Variants in LGALS2 observed in about 807,000 individuals in gnomAD.
LGALS2 encodes the protein galectin 2.
LGALS2 carries 7 observed loss-of-function variants against 10.1 expected under a neutral mutation model. The ratio of observed to expected loss-of-function variants is 0.70; its 90% CI spans 0.40 to 1.31. LGALS2 has a LOEUF of 1.31. Ranked by LOEUF, LGALS2 falls within the 50% of genes most tolerant of loss-of-function variation. The probability of loss-of-function intolerance (pLI) is 0.01; values close to 1 mark genes in which losing one functional copy is unlikely to be tolerated. For missense variants in LGALS2, 167 were observed against 163.6 expected (o/e 1.02, Z -0.11); for synonymous variants, 86 against 64.2 (o/e 1.34, Z -1.63).
chr22:37,572,094 G>A (rs1331038842), intron 1 of LGALS2, among the ~76,000 whole-genome samples, 163 bp from the exon 2 acceptor site: 1 of 152,204 alleles, frequency 6.6e-6, no homozygotes, highest in Non-Finnish European at 1.5e-5. Flanking sequence ...CAGAGCCAGA[G>A]CGCTCTGATC....
chr22:37,575,105 C>T (rs931202599), intron 1 of LGALS2, among the ~76,000 whole-genome samples: 2 of 151,902 alleles, frequency 1.3e-5, no homozygotes, highest in African/African-American at 4.8e-5. Flanking sequence ...AGGTTGGTCT[C>T]GAACTCCTGA....
chr22:37,577,003 A>C (rs1432615500), intron 1 of LGALS2, among the ~76,000 whole-genome samples: 1 of 139,030 alleles, frequency 7.2e-6, no homozygotes, highest in Non-Finnish European at 1.6e-5. Context: ...GGGGGTGGGG[A>C]GTTGGGGGCC....
Position 37,570,632 on chromosome 22 carries a change from A to C in LGALS2, c.193T>G (p.Trp65Gly). The C allele has an allele frequency of 6.2e-7, 1 of 1,614,180 alleles. No individual in the cohort carries two copies. Residue 65 changes from tryptophan to glycine, a missense_variant, in exon 3 of 4, where the codon TGG becomes GGG. Coordinates refer to ENST00000215886, the MANE Select transcript of LGALS2 (RefSeq NM_006498.3). Reference protein sequence around the residue: ...IVCNSLDGSNWGQEQREDHLC... With the variant: ...IVCNSLDGSNGGQEQREDHLC... ...TGATCTTCCCGTTGTTCTTGCCCCC[A>C]GTTGCTGCCGTCCAATGAGTTGCAG...
intron 1 of LGALS2, among the ~76,000 whole-genome samples, chr22:37,579,247 C>CAAAAA (rs111697536): frequency 0.022 from 753 of 33,562 alleles, 80 homozygotes; most frequent in Middle Eastern, 0.075. Context: ...GACTCCATCT[C>CAAAAA]AAAAAAAAAA....
Position 37,580,033 on chromosome 22 carries a change from G to A in LGALS2, c.-128C>T. 1.1e-6 allele frequency: 1 copy of A among 919,478 alleles called. No homozygotes were observed. The highest frequency in any genetic ancestry group is 1.6e-6 in the Non-Finnish European group (1 of 611,714). 57.0% of individuals were successfully genotyped at this position (919,478 alleles called of 1,614,324 possible). On this transcript the variant is annotated 5_prime_UTR_variant, in exon 1 of 4. Transcript: ENST00000215886. ...CCTCAAGGTCCTAGGTGAGGACTTT[G>A]CCCCTTCTACCTTGTGTCTCCCCGC...
Position 37,570,345 on chromosome 22 carries a change from G to C in LGALS2, c.317C>G (p.Pro106Arg). 1 of 1,614,116 alleles carries C rather than the reference G, an allele frequency of 6.2e-7. No individual in the cohort carries two copies. The highest frequency in any genetic ancestry group is 1.1e-5 in the South Asian group (1 of 91,092). ...KLPDGHELTF[P>R]NRLGHSHLSY... The stretch of plus-strand genomic sequence containing the variant: ...CAGGTGGCTGTGACCCAGCCTGTTG[G>C]GAAAAGTCAGCTCGTGCCCATCTGG... Residue 106 changes from proline to arginine, a missense_variant, in exon 4 of 4, where the codon CCC (proline) becomes CGC (arginine). By Grantham distance (103) the Pro-to-Arg change is moderately radical. Coordinates refer to ENST00000215886, the MANE Select transcript of LGALS2 (RefSeq NM_006498.3).
At chr22:37,577,814 GAC>G (rs1272036470) in intron 1 of LGALS2, among the ~76,000 whole-genome samples, 1 of 152,210 alleles carries the variant, frequency 6.6e-6, no homozygotes, top group Non-Finnish European at 1.5e-5. Context: ...CAGAGACGGA[GAC>G]ACACAGAGGA....
chr22:37,576,069 T>C (rs571230530), intron 1 of LGALS2, among the ~76,000 whole-genome samples: 8 of 151,734 alleles, frequency 5.3e-5, no homozygotes, highest in African/African-American at 1.9e-4. Flanking sequence ...GAAAGTGGGG[T>C]TTGGAGGCTG....
chr22:37,578,907 G>A (rs1232994953), intron 1 of LGALS2: 1 of 152,268 alleles, frequency 6.6e-6, no homozygotes, highest in Admixed American at 6.6e-5. Flanking sequence ...GACCAACATG[G>A]AGAAACCCCA....
At chr22:37,575,203 C>CT (rs35861132) in intron 1 of LGALS2, among the ~76,000 whole-genome samples, 2,991 of 128,668 alleles carry the variant, frequency 0.023, 71 homozygotes, top group African/African-American at 0.044. Context: ...TCTTTTCTTT[C>CT]TTTTTTTTTT....
At position 37,570,344 on chromosome 22, in the gene LGALS2, G is replaced by C. The variant is rs746044147; in HGVS notation, c.318C>G (p.Pro106=). ...KLPDGHELTF[P]NRLGHSHLSY... is the part of the protein sequence containing the mutation. ...TCAGGTGGCTGTGACCCAGCCTGTT[G>C]GGAAAAGTCAGCTCGTGCCCATCTG... The change falls in exon 4 of 4, where the codon CCC becomes CCG. Residue 106 remains proline (P), a synonymous_variant. Coordinates refer to ENST00000215886, the MANE Select transcript of LGALS2 (RefSeq NM_006498.3). The C allele has an allele frequency of 6.2e-7, 1 of 1,614,114 alleles. No homozygotes were observed. The highest frequency in any genetic ancestry group is 2.2e-5 in the East Asian group (1 of 44,884).
intron 1 of LGALS2, among the ~76,000 whole-genome samples, chr22:37,576,709 T>C (rs1005926377): frequency 7.2e-5 from 11 of 152,078 alleles, no homozygotes; most frequent in Non-Finnish European, 1.5e-5. Flanking sequence ...CAGGCCAGGA[T>C]AGGGGAGCTG....
chr22:37,577,859 G>A (rs1293740339), intron 1 of LGALS2, among the ~76,000 whole-genome samples: 1 of 152,176 alleles, frequency 6.6e-6, no homozygotes. Context: ...AGATTGGAGT[G>A]ATGCAAGCCA....
intron 2 of LGALS2, 48 bp from the exon 3 acceptor site, chr22:37,570,783 A>C: frequency 6.2e-7 from 1 of 1,611,052 alleles, no homozygotes; most frequent in Non-Finnish European, 8.5e-7. Flanking sequence ...AGGCCTGGAT[A>C]AAGCAGCTTG....
chr22:37,575,071 A>T (rs1037884793), intron 1 of LGALS2, among the ~76,000 whole-genome samples: 19 of 151,940 alleles, frequency 1.3e-4, no homozygotes, highest in Non-Finnish European at 1.5e-5. Context: ...TTTTTAGTAG[A>T]GACGGGGTTT....
At chr22:37,574,952 G>A (rs4821672) in intron 1 of LGALS2, among the ~76,000 whole-genome samples, 75,717 of 149,140 alleles carry the variant, frequency 0.51, 20,193 homozygotes, top group Non-Finnish European at 0.59. Context: ...GTGCAATCTT[G>A]GCTCACTGCA....
intron 1 of LGALS2, among the ~76,000 whole-genome samples, chr22:37,577,926 G>A (rs2284056): frequency 0.46 from 69,903 of 151,958 alleles, 16,437 homozygotes; most frequent in African/African-American, 0.51. Flanking sequence ...CTCCCCTTGC[G>A]CCTTCAGCAG....
At chr22:37,579,869 G>T (rs1035246860) in intron 1 of LGALS2, 31 bp downstream of exon 1, 1 of 1,604,674 alleles carries the variant, frequency 6.2e-7, no homozygotes, top group Non-Finnish European at 8.5e-7. Context: ...TGAACAGAGT[G>T]GGGCAGGCAG....
chr22:37,574,306 A>G (rs1461350456), intron 1 of LGALS2, among the ~76,000 whole-genome samples: 2 of 151,986 alleles, frequency 1.3e-5, no homozygotes, highest in Admixed American at 1.3e-4. Flanking sequence ...ACCTGAGGTC[A>G]GGAGTTTGAG....
Sources: gnomAD v4.1 joint callset for allele counts (sites outside exome capture counted in the v4.1 genomes callset) on GRCh38, gnomAD v4.1.1 for gene constraint, MANE v1.5 for transcripts, NCBI Gene and HGNC (gene_info 2026-07-23, HGNC 2026-07-21) for gene names.